DHRS12: variants seen among roughly 807,000 people sequenced by gnomAD.
DHRS12 encodes dehydrogenase/reductase 12, also known as dehydrogenase/reductase SDR family member 12.
Under a neutral mutation model 32.1 loss-of-function variants are expected in DHRS12, and 29 were observed. The ratio of observed to expected loss-of-function variants is 0.90; its 90% confidence interval spans 0.67 to 1.23. The LOEUF (loss-of-function observed/expected upper bound fraction) is 1.23, where lower values mean the gene tolerates loss of function less well. DHRS12 is among the 50% of genes most tolerant of loss of function. DHRS12 has a pLI of 0.00. For missense variants in DHRS12, 330 were observed against 337.2 expected (o/e 0.98, Z 0.17); for synonymous variants, 150 against 135.9 (o/e 1.10, Z -0.72).
intron 2 of DHRS12, chr13:51,797,916 A>C: frequency 6.5e-7 from 1 of 1,535,794 alleles, no homozygotes; most frequent in East Asian, 2.4e-5. Context: ...CACCTGGTGG[A>C]ATTCAATGAA....
chr13:51,755,582 A>C, the DHRS12 span: 24 of 853,272 alleles, frequency 2.8e-5, no homozygotes, highest in Middle Eastern at 2.4e-4. Context: ...TCCTGGAGTC[A>C]CCTCGTGATT....
intron 6 of DHRS12, among the ~76,000 whole-genome samples, chr13:51,772,475 T>G (rs1245845057): frequency 1.3e-5 from 2 of 152,102 alleles, no homozygotes; most frequent in Non-Finnish European, 2.9e-5. Flanking sequence ...ATGCAAAAAT[T>G]AGCTGGGTGT....
At chr13:51,783,470 A>G (rs1954815373) in intron 4 of DHRS12, among the ~76,000 whole-genome samples, 2 of 152,148 alleles carry the variant, frequency 1.3e-5, no homozygotes, top group African/African-American at 4.8e-5. Context: ...TTGATATAAT[A>G]TATATATAAT....
the DHRS12 span, chr13:51,760,168 T>C: frequency 7.4e-5 from 12 of 162,804 alleles, no homozygotes; most frequent in Non-Finnish European, 1.3e-4. Context: ...CTGTGTTTAC[T>C]TCAACATGTG....
chr13:51,783,808 C>T (rs369476208), intron 4 of DHRS12, among the ~76,000 whole-genome samples: 8 of 152,178 alleles, frequency 5.3e-5, no homozygotes, highest in African/African-American at 1.9e-4. Flanking sequence ...GAGTCACTCA[C>T]ATTGTTTTGT....
intron 4 of DHRS12, among the ~76,000 whole-genome samples, chr13:51,783,745 A>G (rs1327918156): frequency 6.6e-6 from 1 of 152,184 alleles, no homozygotes; most frequent in Non-Finnish European, 1.5e-5. Flanking sequence ...CTATAAATGG[A>G]ATCACAGTCT....
intron 4 of DHRS12, among the ~76,000 whole-genome samples, chr13:51,777,638 G>C (rs1370711734): frequency 6.6e-6 from 1 of 152,160 alleles, no homozygotes; most frequent in African/African-American, 2.4e-5. Context: ...CTAATGGAAT[G>C]AGAAAAACAC....
intron 2 of DHRS12, 26 bp from the exon 3 acceptor site, chr13:51,791,283 AAACCCTTTTT>A: frequency 7.3e-7 from 1 of 1,377,032 alleles, no homozygotes; most frequent in Non-Finnish European, 9.8e-7. Flanking sequence ...AAAAAAAAAA[AAACCCTTTTT>A]AAAAAGATAT....
chr13:51,768,560 A>T, intron 8 of DHRS12: 2 of 1,332,238 alleles, frequency 1.5e-6, no homozygotes, highest in Non-Finnish European at 1.9e-6. Flanking sequence ...GGGTGCGGCC[A>T]TCCTCCCGGA....
intron 1 of DHRS12, among the ~76,000 whole-genome samples, chr13:51,803,131 C>T (rs2139489037): frequency 6.6e-6 from 1 of 152,314 alleles, no homozygotes; most frequent in East Asian, 1.9e-4. Context: ...CAGAGCTGAA[C>T]CTTCTCCAAA....
intron 3 of DHRS12, 68 bp from the exon 4 acceptor site, chr13:51,790,160 A>C (rs1593550643): frequency 8.4e-7 from 1 of 1,191,338 alleles, no homozygotes. Flanking sequence ...CCATCCCCAC[A>C]CCTCCACTAC....
chr13:51,803,953 G>C (rs1380101745), intron 1 of DHRS12, 101 bp downstream of exon 1: 2 of 1,129,870 alleles, frequency 1.8e-6, no homozygotes, highest in Non-Finnish European at 2.3e-6. Flanking sequence ...CCCAGCGAGA[G>C]GGCGAAGGAG....
chr13:51,771,692 G>C, intron 7 of DHRS12, 129 bp downstream of exon 7: 1 of 1,359,950 alleles, frequency 7.4e-7, no homozygotes, highest in Non-Finnish European at 1.0e-6. Context: ...TGCCTAAATG[G>C]AAATGAAGCT....
chr13:51,799,254 G>A (rs1424722899), intron 2 of DHRS12, among the ~76,000 whole-genome samples: 2 of 152,106 alleles, frequency 1.3e-5, no homozygotes, highest in African/African-American at 4.8e-5. Flanking sequence ...TGATGTCCAG[G>A]GTTTGCTTGA....
At chr13:51,784,232 G>A (rs1290859360) in intron 4 of DHRS12, among the ~76,000 whole-genome samples, 2 of 152,182 alleles carry the variant, frequency 1.3e-5, no homozygotes, top group African/African-American at 2.4e-5. Context: ...CCACCCATCA[G>A]CAGGTGGCTT....
At chr13:51,756,917 CAGCT>C in the DHRS12 span, among the ~76,000 whole-genome samples, 2 of 152,222 alleles carry the variant, frequency 1.3e-5, no homozygotes, top group Admixed American at 1.3e-4. Context: ...CCCAGTTACT[CAGCT>C]GGCTGCTTGT....
chr13:51,797,811 T>G, intron 2 of DHRS12: 1 of 1,534,052 alleles, frequency 6.5e-7, no homozygotes, highest in Non-Finnish European at 8.7e-7. Context: ...GCAGGAGGGG[T>G]GAGGAGCTGC....
intron 1 of DHRS12, among the ~76,000 whole-genome samples, chr13:51,800,097 T>G (rs758602305): frequency 5.3e-5 from 8 of 152,036 alleles, no homozygotes; most frequent in Admixed American, 1.3e-4. Flanking sequence ...CGGGGGAGAT[T>G]TGCAAGTAGG....
Position 51,768,189 on chromosome 13 carries a change from A to T in DHRS12, c.805T>A (p.Ter269LysextTer24). The T allele has an allele frequency of 2.6e-6, 4 of 1,536,124 alleles. No homozygotes were observed. Among genetic ancestry groups the T allele is most frequent in the Non-Finnish European group, 3.5e-6 (4 of 1,146,908 alleles). The change falls in exon 9 of 9, where the codon TAG (stop) becomes AAG (lysine). Residue 269 changes from the stop codon to lysine (K), a stop_lost. Transcript: ENST00000444610. ...TACCGCACTGTGTCTGGGTTGGCCTATTTAAATGTCTGAGCCAGCTGTTCC... is the reference window on the plus strand; with the variant it reads ...TACCGCACTGTGTCTGGGTTGGCCTTTTTAAATGTCTGAGCCAGCTGTTCC... ...ILEQLAQTFK[*>K]
Sources: allele counts gnomAD v4.1 joint callset (sites outside exome capture counted in the v4.1 genomes callset), GRCh38; gene constraint gnomAD v4.1.1; transcripts MANE v1.5; gene names NCBI Gene and HGNC (gene_info 2026-07-23, HGNC 2026-07-21).